Variants in NDEL1 observed in about 807,000 individuals in gnomAD.
NDEL1 encodes nuclear distribution protein nudE-like 1.
Under a neutral mutation model 45.7 loss-of-function variants are expected in NDEL1, and 9 were observed. The ratio of observed to expected loss-of-function variants is 0.20; its 90% CI spans 0.12 to 0.34. The LOEUF (loss-of-function observed/expected upper bound fraction) is 0.34. Ranked by LOEUF, NDEL1 falls within the 10% of genes least tolerant of loss-of-function variation. The pLI is 1.00. For synonymous variants in NDEL1, 133 were observed against 158.6 expected (o/e 0.84, Z 1.21); for missense variants, 306 against 406.2 (o/e 0.75, Z 2.12).
chr17:8,448,610 T>C lies in NDEL1; in HGVS notation c.450T>C (p.Asn150=). The C allele has an allele frequency of 1.2e-6, 2 of 1,614,208 alleles. No homozygotes were observed. The highest frequency in any genetic ancestry group is 1.7e-6 in the Non-Finnish European group (2 of 1,180,018). Reference sequence around the variant, plus strand: ...GGCTAAACCAGGCCATTGAACGAAATGCATTTTTAGAAAGTGAACTTGATG... The same window carrying C: ...GGCTAAACCAGGCCATTGAACGAAACGCATTTTTAGAAAGTGAACTTGATG... ...EQRLNQAIER[N]AFLESELDEK... Residue 150 remains asparagine (N), a synonymous_variant, in exon 5 of 9, where the codon AAT becomes AAC. Coordinates refer to ENST00000334527, the MANE Select transcript of NDEL1 (RefSeq NM_030808.5).
chr17:8,462,519 A>T (rs1050800291), intron 8 of NDEL1, among the ~76,000 whole-genome samples: 3 of 152,106 alleles, frequency 2.0e-5, no homozygotes, highest in Non-Finnish European at 4.4e-5. Context: ...AAAAACCAAG[A>T]TGTTGTGTAG....
chr17:8,420,899 G>T (rs1428255329), intron 1 of NDEL1, among the ~76,000 whole-genome samples: 1 of 152,226 alleles, frequency 6.6e-6, no homozygotes, highest in Non-Finnish European at 1.5e-5. Flanking sequence ...CTCTTTGCTG[G>T]TGTGTATTCT....
intron 7 of NDEL1, among the ~76,000 whole-genome samples, chr17:8,458,464 G>T (rs1283826729): frequency 6.6e-6 from 1 of 151,992 alleles, no homozygotes; most frequent in African/African-American, 2.4e-5. Flanking sequence ...GACATAAGTT[G>T]TGCCTGCCGT....
downstream of NDEL1, among the ~76,000 whole-genome samples, chr17:8,472,732 G>T (rs79195563): frequency 9.1e-5 from 10 of 110,166 alleles, no homozygotes; most frequent in African/African-American, 3.5e-4. Context: ...CTGCATTAAA[G>T]AAAATAAATA....
chr17:8,454,976 A>G, intron 7 of NDEL1, 89 bp downstream of exon 7: 5 of 1,248,366 alleles, frequency 4.0e-6, no homozygotes, highest in Non-Finnish European at 5.8e-6. Flanking sequence ...AAGAAAGGAT[A>G]CTTTCCTGTG....
At chr17:8,432,796 G>C (rs1171996577), upstream of NDEL1, among the ~76,000 whole-genome samples, 1 of 152,150 alleles carries the variant, frequency 6.6e-6, no homozygotes, top group South Asian at 2.1e-4. Context: ...GCCCTTGTTT[G>C]ATGAGAGAAA....
chr17:8,452,740 C>CTTTTTTTTTTTTTTTTTTTTTTTTCTT lies in NDEL1; in HGVS notation c.700+1805_700+1806insTTTTTTCTTTTTTTTTTTTTTTTTTTT. 4.2e-5 allele frequency among the ~76,000 whole-genome samples: 4 copies of CTTTTTTTTTTTTTTTTTTTTTTTTCTT among 95,628 alleles called. 1 individual carries two copies. Among genetic ancestry groups the CTTTTTTTTTTTTTTTTTTTTTTTTCTT allele is most frequent in the Non-Finnish European group, 7.9e-5 (4 of 50,348 alleles). The allele number at this position is 95,628 out of a possible 152,430, so 62.7% of individuals were successfully genotyped here. On this transcript the variant is annotated intron_variant, in intron 6 of 8. Coordinates refer to ENST00000334527, the MANE Select transcript of NDEL1 (RefSeq NM_030808.5). ...CTTTCTTTTCTTTTCTTTTTCTTCTCTTTTTTTTTTTTTTTTTTGACAGAG... is the reference window on the plus strand; with the variant it reads ...CTTTCTTTTCTTTTCTTTTTCTTCTCTTTTTTTTTTTTTTTTTTTTTTTTCTTTTTTTTTTTTTTTTTTTTGACAGAG...
chr17:8,470,558 A>G (rs1911810070), downstream of NDEL1, among the ~76,000 whole-genome samples: 1 of 152,174 alleles, frequency 6.6e-6, no homozygotes, highest in Admixed American at 6.5e-5. This position sits in a 1 kb window ranked among gnomAD's most constrained non-coding sequence, Gnocchi z 4.2. Context: ...GCCTGCAAGA[A>G]CTATACAGAG....
Position 8,425,812 on chromosome 17 carries a change from G to T in NDEL1, c.-13+12543G>T, listed in dbSNP as rs147177680. Reference sequence around the variant, plus strand: ...TTTTTTTTTCTTTTTTCTTTTTTGAGTTAAGGTCTTGCTCTGTTACCCAGG... The same window carrying T: ...TTTTTTTTTCTTTTTTCTTTTTTGATTTAAGGTCTTGCTCTGTTACCCAGG... On this transcript the variant is annotated intron_variant, in intron 1 of 4. Transcript: ENST00000582812. Among the ~76,000 whole-genome samples, 16 of 148,656 alleles carry T rather than the reference G, an allele frequency of 1.1e-4. No individual in the cohort carries two copies. The East Asian group carries it at 2.4e-3, about 22-fold the overall frequency.
chr17:8,440,793 A>G (rs1271459521), intron 1 of NDEL1, among the ~76,000 whole-genome samples: 1 of 152,194 alleles, frequency 6.6e-6, no homozygotes, highest in Non-Finnish European at 1.5e-5. Flanking sequence ...TTCCTCAGGG[A>G]TTACTACTTA....
At chr17:8,420,725 C>T (rs2151693390) in intron 1 of NDEL1, among the ~76,000 whole-genome samples, 1 of 152,290 alleles carries the variant, frequency 6.6e-6, no homozygotes, top group African/African-American at 2.4e-5. Context: ...ATATATTTTT[C>T]AAATATAAAA....
At chr17:8,448,447 G>C in intron 4 of NDEL1, 103 bp from the exon 5 acceptor site, 1 of 1,256,074 alleles carries the variant, frequency 8.0e-7, no homozygotes, top group Non-Finnish European at 1.1e-6. Context: ...GGCCAGGCTG[G>C]CTAGGTCAGG....
At chr17:8,462,705 TCTCA>T (rs1423658977) in intron 8 of NDEL1, 1 of 152,266 alleles carries the variant, frequency 6.6e-6, no homozygotes, top group Admixed American at 6.5e-5. Context: ...CTGCCCTCCC[TCTCA>T]CTCCTGAGGA....
At chr17:8,423,708 A>G (rs1206204353) in intron 1 of NDEL1, among the ~76,000 whole-genome samples, 1 of 152,146 alleles carries the variant, frequency 6.6e-6, no homozygotes, top group Non-Finnish European at 1.5e-5. Context: ...AAACAAACAA[A>G]AAAGGAGGGA....
At chr17:8,414,443 G>T (rs992051740) in intron 1 of NDEL1, among the ~76,000 whole-genome samples, 1 of 152,108 alleles carries the variant, frequency 6.6e-6, no homozygotes, top group South Asian at 2.1e-4. Flanking sequence ...CAAGGCTGGC[G>T]GATCATGAGG....
At chr17:8,437,720 T>C (rs117778776) in intron 1 of NDEL1, among the ~76,000 whole-genome samples, 21 of 152,318 alleles carry the variant, frequency 1.4e-4, no homozygotes, top group Non-Finnish European at 2.8e-4. Flanking sequence ...TTAGAACTGT[T>C]AACCAGAAAC....
intron 5 of NDEL1, among the ~76,000 whole-genome samples, chr17:8,450,472 C>T (rs534939346): frequency 6.6e-6 from 1 of 152,156 alleles, no homozygotes; most frequent in South Asian, 2.1e-4. Context: ...AAAATAAAAG[C>T]AAATAAGTTG....
intron 3 of NDEL1, among the ~76,000 whole-genome samples, chr17:8,446,544 G>T (rs1910089378): frequency 6.6e-6 from 1 of 152,126 alleles, no homozygotes; most frequent in African/African-American, 2.4e-5. Flanking sequence ...ATTGTTATTG[G>T]GTTTCTTTCT....
chr17:8,473,534 CTTGGAT>C (rs1463557807), intron 3 of NDEL1, among the ~76,000 whole-genome samples: 1 of 152,160 alleles, frequency 6.6e-6, no homozygotes, highest in Non-Finnish European at 1.5e-5. Flanking sequence ...TCTGTACACT[CTTGGAT>C]AAGATACTGG....
Sources: allele counts gnomAD v4.1 joint callset (sites outside exome capture counted in the v4.1 genomes callset), GRCh38; gene constraint gnomAD v4.1.1; non-coding constraint Gnocchi (gnomAD v3.1); transcripts MANE v1.5; gene names NCBI Gene and HGNC (gene_info 2026-07-23, HGNC 2026-07-21).